SAMTOR: variants seen among roughly 807,000 people sequenced by gnomAD.
The protein encoded by SAMTOR is UPF0532 protein C7orf60.
At chr7:112,920,143 C>T in the SAMTOR span, among the ~76,000 whole-genome samples, 1 of 152,040 alleles carries the variant, frequency 6.6e-6, no homozygotes, top group African/African-American at 2.4e-5. Context: ...AGAGACACAA[C>T]CAAAAAAGAG....
the SAMTOR span, among the ~76,000 whole-genome samples, chr7:112,918,054 C>T: frequency 6.6e-6 from 1 of 152,200 alleles, no homozygotes. Flanking sequence ...CTTCCCCAAT[C>T]TAGCAAGGCA....
At chr7:112,900,367 T>C in the SAMTOR span, among the ~76,000 whole-genome samples, 2 of 152,176 alleles carry the variant, frequency 1.3e-5, no homozygotes, top group Non-Finnish European at 2.9e-5. Context: ...GTGTCAATGG[T>C]GTAGGTTCCA....
At chr7:112,894,670 C>G in the SAMTOR span, among the ~76,000 whole-genome samples, 1 of 152,172 alleles carries the variant, frequency 6.6e-6, no homozygotes, top group Non-Finnish European at 1.5e-5. Flanking sequence ...GAGACTTACT[C>G]ACTACCACGA....
At chr7:112,896,553 T>C in the SAMTOR span, among the ~76,000 whole-genome samples, 76 of 152,198 alleles carry the variant, frequency 5.0e-4, 1 homozygote, top group Non-Finnish European at 8.7e-4. Context: ...TTATACTATG[T>C]AGATTTAGTT....
chr7:112,819,193 T>C, the SAMTOR span: 1 of 152,594 alleles, frequency 6.6e-6, no homozygotes, highest in South Asian at 2.1e-4. Flanking sequence ...GTTCACAAAA[T>C]GTGAAAAAAT....
the SAMTOR span, chr7:112,895,797 G>A: frequency 1.4e-5 from 17 of 1,210,006 alleles, no homozygotes; most frequent in Middle Eastern, 2.1e-4. Flanking sequence ...AAAATAAGAC[G>A]GAAAAAATTG....
chr7:112,918,898 C>T, the SAMTOR span, among the ~76,000 whole-genome samples: 1 of 152,216 alleles, frequency 6.6e-6, no homozygotes, highest in Non-Finnish European at 1.5e-5. Context: ...GAAGAGCTAA[C>T]TGTCCTAAAT....
chr7:112,886,037 C>A, the SAMTOR span, among the ~76,000 whole-genome samples: 1 of 152,160 alleles, frequency 6.6e-6, no homozygotes, highest in Non-Finnish European at 1.5e-5. Context: ...CACCTGGTGG[C>A]AGCAAGGAGA....
the SAMTOR span, among the ~76,000 whole-genome samples, chr7:112,833,109 A>AT: frequency 3.3e-4 from 50 of 151,950 alleles, no homozygotes; most frequent in African/African-American, 1.1e-3. Context: ...TAAAAAATAT[A>AT]TTTTTTCAAG....
At chr7:112,840,114 T>C in the SAMTOR span, among the ~76,000 whole-genome samples, 16 of 151,900 alleles carry the variant, frequency 1.1e-4, no homozygotes, top group Admixed American at 3.3e-4. Context: ...CCAGAGATTC[T>C]GATTTAATTG....
chr7:112,909,804 TATA>T, the SAMTOR span, among the ~76,000 whole-genome samples: 1 of 151,730 alleles, frequency 6.6e-6, no homozygotes, highest in Non-Finnish European at 1.5e-5. Context: ...GCAAAAATCT[TATA>T]ATATTAAACT....
At chr7:112,939,641 G>A in the SAMTOR span, 2 of 1,613,758 alleles carry the variant, frequency 1.2e-6, no homozygotes, top group African/African-American at 1.3e-5. Flanking sequence ...CACCACACCG[G>A]AGAGCTTCTC....
At chr7:112,917,966 G>C in the SAMTOR span, among the ~76,000 whole-genome samples, 1 of 152,214 alleles carries the variant, frequency 6.6e-6, no homozygotes, top group Non-Finnish European at 1.5e-5. Context: ...CCAAATCTAT[G>C]TCTGATTGGT....
chr7:112,822,149 A>G, the SAMTOR span: 1 of 1,613,880 alleles, frequency 6.2e-7, no homozygotes, highest in East Asian at 2.2e-5. Flanking sequence ...TTAGTAATAA[A>G]CCATTTAACA....
the SAMTOR span, among the ~76,000 whole-genome samples, chr7:112,847,967 T>C: frequency 6.6e-6 from 1 of 152,014 alleles, no homozygotes; most frequent in Non-Finnish European, 1.5e-5. Context: ...AGCTAGTCAC[T>C]GTCTCTTCAA....
the SAMTOR span, among the ~76,000 whole-genome samples, chr7:112,838,501 T>C: frequency 2.8e-4 from 42 of 151,912 alleles, no homozygotes; most frequent in Non-Finnish European, 5.6e-4. Context: ...CAGAAACTAA[T>C]AAAACCTCAG....
chr7:112,868,867 C>T, the SAMTOR span, among the ~76,000 whole-genome samples: 1 of 152,154 alleles, frequency 6.6e-6, no homozygotes, highest in South Asian at 2.1e-4. Flanking sequence ...ATTTCTCCTA[C>T]GTGGTTTGAC....
the SAMTOR span, among the ~76,000 whole-genome samples, chr7:112,829,436 T>A: frequency 6.6e-6 from 1 of 152,216 alleles, no homozygotes; most frequent in Admixed American, 6.5e-5. Context: ...AAGTTTAGCT[T>A]AAGTAATTTT....
At chr7:112,846,145 C>CTT in the SAMTOR span, among the ~76,000 whole-genome samples, 20 of 129,004 alleles carry the variant, frequency 1.6e-4, no homozygotes, top group Non-Finnish European at 2.1e-4. Flanking sequence ...ATCTGTACAA[C>CTT]TTTTTTTTTT....
Sources: gnomAD v4.1 joint callset for allele counts (sites outside exome capture counted in the v4.1 genomes callset) on GRCh38, gnomAD v4.1.1 for gene constraint, MANE v1.5 for transcripts, NCBI Gene and HGNC (gene_info 2026-07-23, HGNC 2026-07-21) for gene names.